The following ADAMTSL1 variants were observed in gnomAD, a reference collection of about 807,000 sequenced individuals.
The protein encoded by ADAMTSL1 is ADAMTS-like protein 1.
ADAMTSL1 carries 126 observed loss-of-function variants against 201.8 expected under a neutral mutation model. The observed-to-expected ratio is 0.62, with a 90% confidence interval of 0.54 to 0.72. The LOEUF is 0.72. ADAMTSL1 is among the 30% of genes least tolerant of loss of function. The pLI is 0.00. For missense variants in ADAMTSL1, 2,679 were observed against 2,277.8 expected (o/e 1.18, Z -3.59); for synonymous variants, 1,121 against 903.4 (o/e 1.24, Z -4.32).
At chr9:18,879,559 A>G (rs916351424) in intron 23 of ADAMTSL1, among the ~76,000 whole-genome samples, 1 of 152,262 alleles carries the variant, frequency 6.6e-6, no homozygotes, top group African/African-American at 2.4e-5. Flanking sequence ...TGTAAAAGTT[A>G]TGTTTACACT....
chr9:18,562,723 C>CT (rs1821606862), intron 3 of ADAMTSL1, among the ~76,000 whole-genome samples: 1 of 152,100 alleles, frequency 6.6e-6, no homozygotes, highest in Non-Finnish European at 1.5e-5. Flanking sequence ...CCTTTTTATT[C>CT]TTTTTTCTCT....
At chr9:18,758,352 C>T (rs578260366) in intron 16 of ADAMTSL1, among the ~76,000 whole-genome samples, 35 of 152,328 alleles carry the variant, frequency 2.3e-4, no homozygotes, top group East Asian at 3.9e-4. Context: ...TTCATCTGTA[C>T]GTTGGCTTCC....
At chr9:18,652,222 A>C (rs545217870) in intron 7 of ADAMTSL1, among the ~76,000 whole-genome samples, 28 of 152,148 alleles carry the variant, frequency 1.8e-4, no homozygotes, top group African/African-American at 6.5e-4. Context: ...AACTACAAAA[A>C]TTGGCTGGGC....
intron 2 of ADAMTSL1, among the ~76,000 whole-genome samples, chr9:18,314,718 A>G (rs1381810257): frequency 6.6e-6 from 1 of 150,722 alleles, no homozygotes; most frequent in African/African-American, 2.4e-5. Flanking sequence ...AGAGCAAAAG[A>G]ACAAAGCTTC....
chr9:18,208,759 A>G (rs1227261378), intron 2 of ADAMTSL1, among the ~76,000 whole-genome samples: 1 of 152,170 alleles, frequency 6.6e-6, no homozygotes, highest in African/African-American at 2.4e-5. Flanking sequence ...AGAAAATATC[A>G]TAATAATATT....
intron 2 of ADAMTSL1, among the ~76,000 whole-genome samples, chr9:18,514,977 G>A (rs148792608): frequency 7.5e-4 from 114 of 152,304 alleles, no homozygotes; most frequent in African/African-American, 2.6e-3. Context: ...TTCACATCAT[G>A]AAAGATGTTA....
In ADAMTSL1 at chr9:18,866,651, C is replaced by T. The variant is rs373683956; in HGVS notation, c.4250-21180C>T. On this transcript the variant is annotated intron_variant, in intron 23 of 28. Coordinates refer to ENST00000380548, the MANE Select transcript of ADAMTSL1 (RefSeq NM_001040272.6). ...GTGAAGGGAAATACAGTCACCTCTA[C>T]AGCAGAGGGACATTGCCTCAGGAAT... 3.3e-5 allele frequency among the ~76,000 whole-genome samples: 5 copies of T among 152,310 alleles called. No homozygotes were observed. The East Asian group carries it at 7.7e-4, about 24-fold the overall frequency.
intron 3 of ADAMTSL1, among the ~76,000 whole-genome samples, chr9:18,568,854 A>G (rs1253911053): frequency 1.3e-5 from 2 of 152,134 alleles, no homozygotes; most frequent in Admixed American, 1.3e-4. Context: ...CACTCATATA[A>G]TAGGTTAAAT....
rs1554692352 is a variant in ADAMTSL1, at chr9:18,085,488, T to TATATATATATACTGTGTGTGC, written c.88-78358_88-78338dup. Among the ~76,000 whole-genome samples, 303 of 151,440 alleles carry TATATATATATACTGTGTGTGC rather than the reference T, an allele frequency of 2.0e-3. 2 individuals are homozygous for TATATATATATACTGTGTGTGC. Among genetic ancestry groups the TATATATATATACTGTGTGTGC allele is most frequent in the African/African-American group, 6.9e-3 (285 of 41,320 alleles). ...AAATACACATATGTGTGTGCATATA[T>TATATATATATACTGTGTGTGC]ATATATATATACTGTGTGTGCATAT... On this transcript the variant is annotated intron_variant, in intron 1 of 29. Transcript: ENST00000680146.
chr9:18,633,762 A>G (rs1018271792), intron 5 of ADAMTSL1, among the ~76,000 whole-genome samples: 1 of 151,788 alleles, frequency 6.6e-6, no homozygotes, highest in Non-Finnish European at 1.5e-5. Context: ...AAAAACAGCT[A>G]TAAGATTTTG....
intron 2 of ADAMTSL1, among the ~76,000 whole-genome samples, chr9:18,175,118 G>T (rs916270525): frequency 1.3e-5 from 2 of 152,132 alleles, no homozygotes; most frequent in East Asian, 1.9e-4. Context: ...CCTGAGGAGG[G>T]GTTGTGTTGT....
chr9:18,468,462 C>A (rs1226834539), intron 2 of ADAMTSL1, among the ~76,000 whole-genome samples: 1 of 152,122 alleles, frequency 6.6e-6, no homozygotes, highest in African/African-American at 2.4e-5. Flanking sequence ...ATACCCACCA[C>A]CTAGAATGGT....
intron 2 of ADAMTSL1, among the ~76,000 whole-genome samples, chr9:18,321,862 G>A (rs566107207): frequency 6.6e-6 from 1 of 152,208 alleles, no homozygotes; most frequent in Admixed American, 6.5e-5. Context: ...TGCAGTTGGA[G>A]TATTTACCAA....
At chr9:18,652,507 G>A (rs1177403205) in intron 7 of ADAMTSL1, among the ~76,000 whole-genome samples, 1 of 152,028 alleles carries the variant, frequency 6.6e-6, no homozygotes, top group East Asian at 1.9e-4. Flanking sequence ...TGGTGAAACA[G>A]CAATATGCAT....
chr9:18,364,781 G>T (rs949954210), intron 2 of ADAMTSL1, among the ~76,000 whole-genome samples: 1 of 152,104 alleles, frequency 6.6e-6, no homozygotes, highest in African/African-American at 2.4e-5. Flanking sequence ...TTACAATCAT[G>T]GGGGAAGGTG....
chr9:18,124,497 A>G (rs1825653994), intron 1 of ADAMTSL1, among the ~76,000 whole-genome samples: 1 of 152,160 alleles, frequency 6.6e-6, no homozygotes, highest in Non-Finnish European at 1.5e-5. Flanking sequence ...TGCATCAGAC[A>G]TATGATTTGC....
chr9:18,259,735 C>T (rs1831843025), intron 2 of ADAMTSL1, among the ~76,000 whole-genome samples: 2 of 152,068 alleles, frequency 1.3e-5, no homozygotes, highest in Admixed American at 6.5e-5. Flanking sequence ...TCTAATAACG[C>T]CTAATGCGCT....
chr9:18,687,763 A>G (rs991176436), intron 13 of ADAMTSL1, among the ~76,000 whole-genome samples: 1 of 152,348 alleles, frequency 6.6e-6, no homozygotes, highest in East Asian at 1.9e-4. Flanking sequence ...TAACCGCTTT[A>G]AGATGTTTAG....
chr9:17,927,757 A>G lies in ADAMTSL1; in HGVS notation c.87+20835A>G, dbSNP rs573490813. 3.3e-5 allele frequency among the ~76,000 whole-genome samples: 5 copies of G among 152,228 alleles called. No homozygotes were observed. In the South Asian group the frequency reaches 6.2e-4, roughly 19 times the overall value. On this transcript the variant is annotated intron_variant, in intron 1 of 29. Transcript: ENST00000680146. Reference sequence around the variant, plus strand: ...GAGGATATGTGTAAATTATGCCAATATTACACAATATAAGGGACTTGAGCA... The same window carrying G: ...GAGGATATGTGTAAATTATGCCAATGTTACACAATATAAGGGACTTGAGCA...
Sources: allele counts gnomAD v4.1 joint callset (sites outside exome capture counted in the v4.1 genomes callset), GRCh38; gene constraint gnomAD v4.1.1; transcripts MANE v1.5; gene names NCBI Gene and HGNC (gene_info 2026-07-23, HGNC 2026-07-21).